Variants in ATOSB observed in about 807,000 individuals in gnomAD.
ATOSB encodes atos homolog protein B.
At chr9:35,112,773 C>A in the ATOSB span, among the ~76,000 whole-genome samples, 2 of 152,172 alleles carry the variant, frequency 1.3e-5, no homozygotes, top group Non-Finnish European at 2.9e-5. Flanking sequence ...AAAGTCCATT[C>A]TTCTACAGTT....
the ATOSB span, chr9:35,105,910 CCCCACT>C: frequency 1.9e-6 from 3 of 1,613,944 alleles, no homozygotes; most frequent in Non-Finnish European, 2.5e-6. This position sits in a 1 kb window ranked among gnomAD's most constrained non-coding sequence, Gnocchi z 5.5. Flanking sequence ...TTTCCTCTCT[CCCCACT>C]CCCACTCCCT....
At chr9:35,104,521 A>G in the ATOSB span, 1 of 211,698 alleles carries the variant, frequency 4.7e-6, no homozygotes, top group South Asian at 5.0e-5. Flanking sequence ...AGGGGTGGTT[A>G]ACCCCTGTGT....
chr9:35,108,258 G>A, the ATOSB span: 80 of 1,555,700 alleles, frequency 5.1e-5, no homozygotes, highest in Middle Eastern at 1.7e-4. Context: ...AGACGGCTCC[G>A]CCTGCACGTG....
chr9:35,111,893 A>G, the ATOSB span, among the ~76,000 whole-genome samples: 2 of 151,280 alleles, frequency 1.3e-5, no homozygotes, highest in African/African-American at 2.4e-5. Context: ...TCCACATCTT[A>G]CCCCTCCGCC....
the ATOSB span, chr9:35,106,971 A>C: frequency 3.5e-5 from 45 of 1,279,046 alleles, no homozygotes; most frequent in Non-Finnish European, 4.6e-5. The surrounding 1 kb of genome is among the most constrained non-coding windows in gnomAD (Gnocchi z 4.6). Context: ...ACAAACTCTC[A>C]AAGGAACACC....
the ATOSB span, chr9:35,106,813 G>A: frequency 6.4e-7 from 1 of 1,561,274 alleles, no homozygotes; most frequent in African/African-American, 1.4e-5. This position sits in a 1 kb window ranked among gnomAD's most constrained non-coding sequence, Gnocchi z 4.6. Flanking sequence ...ACAGGGTAGA[G>A]GAAAAAGCTG....
At chr9:35,116,220 C>A in the ATOSB span, 1 of 152,512 alleles carries the variant, frequency 6.6e-6, no homozygotes, top group Non-Finnish European at 1.5e-5. Flanking sequence ...CCTCCCATCT[C>A]AGAGCCCCTC....
chr9:35,105,263 C>T, the ATOSB span: 4 of 1,613,920 alleles, frequency 2.5e-6, no homozygotes, highest in Non-Finnish European at 3.4e-6. This position sits in a 1 kb window ranked among gnomAD's most constrained non-coding sequence, Gnocchi z 5.5. Flanking sequence ...GGGCCTCGGT[C>T]ACAGCCTGCA....
chr9:35,113,772 T>C, the ATOSB span, among the ~76,000 whole-genome samples: 1 of 152,172 alleles, frequency 6.6e-6, no homozygotes, highest in Non-Finnish European at 1.5e-5. Context: ...CCACAATTTC[T>C]TTCTCCCCTT....
the ATOSB span, chr9:35,107,848 G>T: frequency 5.6e-6 from 9 of 1,598,246 alleles, no homozygotes; most frequent in Middle Eastern, 3.3e-4. Context: ...GGGCAGGGGG[G>T]ACTCCAGGCC....
chr9:35,106,095 C>T, the ATOSB span: 1 of 1,518,274 alleles, frequency 6.6e-7, no homozygotes, highest in South Asian at 1.2e-5. This position sits in a 1 kb window ranked among gnomAD's most constrained non-coding sequence, Gnocchi z 4.6. Flanking sequence ...AAGCTCTCAC[C>T]CTGAACCTGC....
chr9:35,104,563 CCACA>C, the ATOSB span: 8 of 355,662 alleles, frequency 2.2e-5, no homozygotes, highest in Middle Eastern at 3.7e-4. Flanking sequence ...CACACACATA[CCACA>C]CAAAGACAAG....
the ATOSB span, chr9:35,104,549 C>T: frequency 3.2e-6 from 1 of 308,882 alleles, no homozygotes; most frequent in Non-Finnish European, 7.1e-6. Flanking sequence ...TACATGCACA[C>T]TCACACACAC....
chr9:35,115,053 G>T, the ATOSB span, among the ~76,000 whole-genome samples: 1 of 152,098 alleles, frequency 6.6e-6, no homozygotes, highest in South Asian at 2.1e-4. Flanking sequence ...GGCGGGGGAG[G>T]GGGGAGACAG....
At chr9:35,105,464 G>A in the ATOSB span, 3 of 1,470,684 alleles carry the variant, frequency 2.0e-6, no homozygotes, top group African/African-American at 2.8e-5. This position sits in a 1 kb window ranked among gnomAD's most constrained non-coding sequence, Gnocchi z 5.5. Context: ...GACCCAGGTG[G>A]GAGGACTGCT....
the ATOSB span, chr9:35,106,809 T>G: frequency 6.4e-7 from 1 of 1,558,706 alleles, no homozygotes; most frequent in Non-Finnish European, 8.7e-7. This position sits in a 1 kb window ranked among gnomAD's most constrained non-coding sequence, Gnocchi z 4.6. Context: ...AGGGACAGGG[T>G]AGAGGAAAAA....
At chr9:35,107,287 C>T in the ATOSB span, 3 of 1,402,826 alleles carry the variant, frequency 2.1e-6, no homozygotes, top group Non-Finnish European at 9.4e-7. Flanking sequence ...TGTGCCACTG[C>T]ACTCCAGCAG....
chr9:35,106,890 T>G, the ATOSB span: 25 of 1,567,356 alleles, frequency 1.6e-5, no homozygotes, highest in Non-Finnish European at 1.9e-5. The surrounding 1 kb of genome is among the most constrained non-coding windows in gnomAD (Gnocchi z 4.6). Context: ...GTCTGTTGGG[T>G]CCTACGGAGA....
At chr9:35,108,502 A>G in the ATOSB span, 2 of 1,257,450 alleles carry the variant, frequency 1.6e-6, no homozygotes, top group South Asian at 3.9e-5. Flanking sequence ...CTAATGGAAT[A>G]TAGAGACCAC....
Sources: gnomAD v4.1 joint callset for allele counts (sites outside exome capture counted in the v4.1 genomes callset) on GRCh38, gnomAD v4.1.1 for gene constraint, Gnocchi (gnomAD v3.1) non-coding constraint, MANE v1.5 for transcripts, NCBI Gene and HGNC (gene_info 2026-07-23, HGNC 2026-07-21) for gene names.